CRY1: variants seen among roughly 807,000 people sequenced by gnomAD.
CRY1 encodes the protein cryptochrome-1.
In CRY1, 45 loss-of-function variants were observed where a neutral mutation model predicts 76.0. That is an observed-to-expected ratio of 0.59 (90% confidence interval 0.47 to 0.76). CRY1 has a LOEUF of 0.76. Ranked by LOEUF, CRY1 falls within the 30% of genes least tolerant of loss-of-function variation. The pLI, the probability that CRY1 is intolerant of heterozygous loss-of-function variation, is 0.00. For synonymous variants in CRY1, 248 were observed against 244.0 expected (o/e 1.02, Z -0.15); for missense variants, 587 against 716.4 (o/e 0.82, Z 2.06).
At chr12:107,017,175 C>T (rs1243676157) in intron 2 of CRY1, among the ~76,000 whole-genome samples, 3 of 152,226 alleles carry the variant, frequency 2.0e-5, no homozygotes, top group Non-Finnish European at 4.4e-5. Flanking sequence ...GCTGAAGCTC[C>T]TAACATGATC....
intron 3 of CRY1, among the ~76,000 whole-genome samples, chr12:107,003,418 C>T (rs1009666422): frequency 4.6e-5 from 7 of 152,110 alleles, no homozygotes; most frequent in Non-Finnish European, 8.8e-5. Context: ...GAAAACAGGC[C>T]TACCAGGAGA....
At chr12:106,997,419 G>A (rs760187152) in intron 9 of CRY1, 33 bp from the exon 10 acceptor site, 1 of 1,611,700 alleles carries the variant, frequency 6.2e-7, no homozygotes. Context: ...TTTAAATTAT[G>A]ATCAAGATAA....
chr12:106,999,043 CAAAAA>C (rs778236677), intron 7 of CRY1, among the ~76,000 whole-genome samples: 1 of 52,666 alleles, frequency 1.9e-5, no homozygotes, highest in Non-Finnish European at 4.3e-5. Context: ...GACTCCGTCT[CAAAAA>C]AAAAAAAAAA....
chr12:107,078,800 G>C (rs1953288459), intron 1 of CRY1, among the ~76,000 whole-genome samples: 1 of 152,130 alleles, frequency 6.6e-6, no homozygotes, highest in Non-Finnish European at 1.5e-5. Flanking sequence ...GAGGCACAAA[G>C]TATGAGGATC....
At chr12:107,092,378 CTGAA>C (rs1953482643) in intron 1 of CRY1, among the ~76,000 whole-genome samples, 1 of 152,186 alleles carries the variant, frequency 6.6e-6, no homozygotes, top group Non-Finnish European at 1.5e-5. Context: ...GCCTGCTGTA[CTGAA>C]TGAATGATTT....
intron 1 of CRY1, among the ~76,000 whole-genome samples, chr12:107,070,536 A>G (rs1316430312): frequency 3.3e-5 from 5 of 152,016 alleles, no homozygotes; most frequent in Non-Finnish European, 5.9e-5. Context: ...TCAAATAGGA[A>G]TAAAGGAGGC....
At position 107,093,372 on chromosome 12, in the gene CRY1, G is replaced by C; in HGVS notation, c.-411C>G. 5.9e-6 allele frequency: 1 copy of C among 168,334 alleles called. No individual in the cohort carries two copies. Among genetic ancestry groups the C allele is most frequent in the Non-Finnish European group, 1.3e-5 (1 of 78,726 alleles). The allele number at this position is 168,334 out of a possible 1,614,324, so 10.4% of individuals were successfully genotyped here. A position where few individuals can be genotyped will look rare whatever the true frequency, so the allele number is the denominator to read the frequency against. ...TCGCCCCACCAAGGCGGCCCCTAAA[G>C]ACAAAACGGCCCGCCCGAGGTGAGT... On this transcript the variant is annotated 5_prime_UTR_variant, in exon 1 of 13. Coordinates refer to ENST00000008527, the MANE Select transcript of CRY1 (RefSeq NM_004075.5).
chr12:107,018,841 C>G (rs1019761100), intron 2 of CRY1, among the ~76,000 whole-genome samples: 1 of 151,998 alleles, frequency 6.6e-6, no homozygotes, highest in East Asian at 1.9e-4. Flanking sequence ...ATGTGTTTAC[C>G]TAAGTGTGTA....
At chr12:107,062,679 T>G (rs552229434) in intron 1 of CRY1, among the ~76,000 whole-genome samples, 1 of 152,042 alleles carries the variant, frequency 6.6e-6, no homozygotes, top group African/African-American at 2.4e-5. Context: ...ACACTGGGAG[T>G]TGCATTCAAA....
chr12:107,029,399 C>G (rs1952652074), intron 1 of CRY1, among the ~76,000 whole-genome samples: 1 of 151,950 alleles, frequency 6.6e-6, no homozygotes, highest in South Asian at 2.1e-4. Context: ...TGAGACCAGC[C>G]TGAGCAACAT....
intron 10 of CRY1, 86 bp from the exon 11 acceptor site, chr12:106,993,122 G>T (rs532994116): frequency 4.9e-5 from 63 of 1,279,430 alleles, no homozygotes; most frequent in South Asian, 3.9e-4. Flanking sequence ...AACTTTTAGC[G>T]CTTGTACTTA....
chr12:107,050,628 C>CA (rs1458576024), intron 1 of CRY1, among the ~76,000 whole-genome samples: 2 of 152,178 alleles, frequency 1.3e-5, no homozygotes, highest in African/African-American at 4.8e-5. Context: ...GTATAGCCTA[C>CA]AGAAGTGTGT....
At chr12:106,998,242 A>C (rs1439287013) in intron 7 of CRY1, among the ~76,000 whole-genome samples, 176 bp from the exon 8 acceptor site, 1 of 152,224 alleles carries the variant, frequency 6.6e-6, no homozygotes, top group African/African-American at 2.4e-5. Flanking sequence ...CTTCCAGAGA[A>C]AGAAACATAG....
intron 1 of CRY1, among the ~76,000 whole-genome samples, chr12:107,022,471 AAG>A (rs1287852160): frequency 6.6e-6 from 1 of 151,246 alleles, no homozygotes; most frequent in Non-Finnish European, 1.5e-5. Context: ...AAAACATACA[AAG>A]AAGTATCAAA....
At chr12:107,084,615 C>T (rs1040626212) in intron 1 of CRY1, among the ~76,000 whole-genome samples, 2 of 152,124 alleles carry the variant, frequency 1.3e-5, no homozygotes, top group Non-Finnish European at 1.5e-5. Flanking sequence ...AACTGGCTAG[C>T]CATATGCAGA....
chr12:107,006,717 T>C (rs901020552), intron 2 of CRY1, among the ~76,000 whole-genome samples: 9 of 140,820 alleles, frequency 6.4e-5, no homozygotes, highest in African/African-American at 2.2e-4. Flanking sequence ...AGTGGCATGA[T>C]CTTGGCTCAC....
chr12:107,013,900 G>A (rs1952470965), intron 2 of CRY1, among the ~76,000 whole-genome samples: 1 of 152,036 alleles, frequency 6.6e-6, no homozygotes, highest in South Asian at 2.1e-4. Context: ...AATTTCACCT[G>A]TTTGTTTTTA....
At chr12:107,025,747 C>A (rs1236661727) in intron 1 of CRY1, among the ~76,000 whole-genome samples, 2 of 152,080 alleles carry the variant, frequency 1.3e-5, no homozygotes, top group Non-Finnish European at 2.9e-5. Context: ...CTTCATGAGG[C>A]ACACCTTCCC....
intron 12 of CRY1, chr12:106,992,451 T>C (rs1434527146): frequency 5.8e-6 from 1 of 172,714 alleles, no homozygotes; most frequent in Non-Finnish European, 1.2e-5. Flanking sequence ...GTCACTAAAA[T>C]AAACAGGCCA....
Sources: allele counts gnomAD v4.1 joint callset (sites outside exome capture counted in the v4.1 genomes callset), GRCh38; gene constraint gnomAD v4.1.1; transcripts MANE v1.5; gene names NCBI Gene and HGNC (gene_info 2026-07-23, HGNC 2026-07-21).